SHANK2: variants seen among roughly 807,000 people sequenced by gnomAD.
SHANK2 encodes SH3 and multiple ankyrin repeat domains protein 2.
A neutral mutation model predicts 133.7 loss-of-function variants in SHANK2; 43 were observed. That is an observed-to-expected ratio of 0.32 (90% CI 0.25 to 0.41). The LOEUF is 0.41. SHANK2 is among the 10% of genes least tolerant of loss of function. SHANK2 has a pLI of 1.00. For synonymous variants in SHANK2, 1,017 were observed against 952.8 expected (o/e 1.07, Z -1.24); for missense variants, 1,994 against 2,235.8 (o/e 0.89, Z 2.18).
chr11:70,752,987 C>T (rs1315870871), intron 14 of SHANK2, among the ~76,000 whole-genome samples: 1 of 151,802 alleles, frequency 6.6e-6, no homozygotes, highest in South Asian at 2.1e-4. Context: ...GTGGCAGGTA[C>T]CTGTAATCCC....
At chr11:70,771,823 C>T (rs571030160) in intron 14 of SHANK2, among the ~76,000 whole-genome samples, 18 of 152,170 alleles carry the variant, frequency 1.2e-4, no homozygotes, top group South Asian at 2.1e-4. Context: ...GCCAAATCCC[C>T]GTTCCCAGTT....
rs540958173 is a variant in SHANK2, at chr11:71,126,957, G to A, written c.208-7925C>T. ...CCTAACCTCGTGATCTGCCCACCTC[G>A]GCCTCCCAAAATGCTGGGACTACAG... On this transcript the variant is annotated intron_variant, in intron 3 of 25. Transcript: ENST00000601538. Among the ~76,000 whole-genome samples the A allele has an allele frequency of 4.1e-4, 63 of 152,044 alleles. No individual in the cohort carries two copies. In the South Asian group the frequency reaches 9.0e-3, roughly 22 times the overall value.
At chr11:71,106,437 T>C (rs1951802642) in intron 6 of SHANK2, among the ~76,000 whole-genome samples, 1 of 151,944 alleles carries the variant, frequency 6.6e-6, no homozygotes, top group Non-Finnish European at 1.5e-5. Flanking sequence ...CCCCCATCTC[T>C]ACAAAAAAAC....
chr11:70,840,995 G>C (rs1948894215), intron 11 of SHANK2, among the ~76,000 whole-genome samples: 1 of 152,318 alleles, frequency 6.6e-6, no homozygotes, highest in African/African-American at 2.4e-5. Flanking sequence ...AGGCGTGGTG[G>C]CTCATGTCTG....
At chr11:71,089,228 C>A (rs1951462389) in intron 8 of SHANK2, among the ~76,000 whole-genome samples, 1 of 152,184 alleles carries the variant, frequency 6.6e-6, no homozygotes, top group Non-Finnish European at 1.5e-5. Context: ...GAAGCTCACG[C>A]CATGCAGACG....
At position 70,480,339 on chromosome 11, in the gene SHANK2, G is replaced by C. The variant is rs2135702557; in HGVS notation, c.4979+4975C>G. Among the ~76,000 whole-genome samples, 3 of 152,302 alleles carry C rather than the reference G, an allele frequency of 2.0e-5. 1 individual carries two copies. In the Middle Eastern group the frequency reaches 0.01, roughly 518 times the overall value. ...AGAGTGTCAGTCCCTTTCTGCACATGCTCACTGTAACCTGCTAGGGCATCC... is the reference window on the plus strand; with the variant it reads ...AGAGTGTCAGTCCCTTTCTGCACATCCTCACTGTAACCTGCTAGGGCATCC... On this transcript the variant is annotated intron_variant, in intron 25 of 25. Transcript: ENST00000601538.
intron 17 of SHANK2, among the ~76,000 whole-genome samples, chr11:70,542,010 C>T (rs782713757): frequency 8.5e-5 from 13 of 152,360 alleles, no homozygotes; most frequent in Non-Finnish European, 1.3e-4. Context: ...CCAGGATCCA[C>T]GCTACTCCTC....
At chr11:71,172,340 G>A (rs147804230) in intron 2 of SHANK2, among the ~76,000 whole-genome samples, 53 of 152,162 alleles carry the variant, frequency 3.5e-4, no homozygotes, top group Non-Finnish European at 6.6e-4. Flanking sequence ...CGCCGGGCAC[G>A]GTGGCTCACA....
chr11:70,603,077 C>T (rs1554991397), intron 17 of SHANK2, among the ~76,000 whole-genome samples: 2 of 152,234 alleles, frequency 1.3e-5, no homozygotes, highest in East Asian at 1.9e-4. Context: ...GTGATATCAA[C>T]ACAGGTGGTA....
chr11:71,119,023 G>A lies in SHANK2; in HGVS notation c.217C>T (p.Arg73Ter), dbSNP rs782146308. 3.2e-6 allele frequency: 5 copies of A among 1,551,626 alleles called. No individual in the cohort carries two copies. Among genetic ancestry groups the A allele is most frequent in the South Asian group, 1.2e-5 (1 of 84,042 alleles). ...IHDLQQTKCI[R>*]FNPDATVWVA... ...CACACTGTGGCATCCGGGTTAAATC[G>A]AATGCATTTCTGCCAGGAAGGACAA... Residue 73 changes from arginine (R) to a stop codon, truncating the protein, a stop_gained, in exon 4 of 26, where the codon CGA becomes TGA. Coordinates refer to ENST00000601538, the MANE Select transcript of SHANK2 (RefSeq NM_012309.5). LOFTEE classifies it high-confidence loss of function.
intron 21 of SHANK2, among the ~76,000 whole-genome samples, chr11:70,495,420 T>G (rs893985603): frequency 6.6e-6 from 1 of 152,228 alleles, no homozygotes; most frequent in African/African-American, 2.4e-5. Context: ...TTGGGTGATC[T>G]CCTCTGGCCG....
At chr11:71,111,060 C>T (rs1471444971) in intron 5 of SHANK2, among the ~76,000 whole-genome samples, 1 of 152,222 alleles carries the variant, frequency 6.6e-6, no homozygotes. Flanking sequence ...CCTGCCGATG[C>T]CACGATCTCA....
intron 2 of SHANK2, among the ~76,000 whole-genome samples, chr11:71,173,262 A>G (rs1555112567): frequency 6.6e-6 from 1 of 152,240 alleles, no homozygotes; most frequent in Non-Finnish European, 1.5e-5. Flanking sequence ...GAAGAGGGAA[A>G]TTGATTCCAG....
intron 2 of SHANK2, among the ~76,000 whole-genome samples, chr11:71,215,401 G>C (rs1555119644): frequency 6.6e-6 from 1 of 152,184 alleles, no homozygotes; most frequent in African/African-American, 2.4e-5. Context: ...GAAGCCTTCA[G>C]CAGGTTCTGC....
chr11:71,198,022 T>C (rs1040358641), intron 2 of SHANK2, among the ~76,000 whole-genome samples: 1 of 152,230 alleles, frequency 6.6e-6, no homozygotes, highest in African/African-American at 2.4e-5. Context: ...AGCGCAGCAG[T>C]TGCCGAAGCT....
intron 25 of SHANK2, among the ~76,000 whole-genome samples, chr11:70,477,782 G>A (rs1386813603): frequency 1.3e-5 from 2 of 152,202 alleles, no homozygotes; most frequent in Non-Finnish European, 2.9e-5. Context: ...AGTGTGAGAC[G>A]CAGGGTGAAG....
At chr11:70,843,276 G>A (rs1181618985) in intron 11 of SHANK2, among the ~76,000 whole-genome samples, 1 of 150,300 alleles carries the variant, frequency 6.7e-6, no homozygotes, top group Non-Finnish European at 1.5e-5. Context: ...GCTGCTATGG[G>A]GTGGGCTGGG....
intron 14 of SHANK2, among the ~76,000 whole-genome samples, chr11:70,794,961 T>C (rs1228531803): frequency 6.6e-6 from 1 of 152,166 alleles, no homozygotes; most frequent in Non-Finnish European, 1.5e-5. Context: ...TGTTTTCCTG[T>C]ATGTAAATCA....
At chr11:70,759,213 G>C (rs1946938141) in intron 14 of SHANK2, among the ~76,000 whole-genome samples, 1 of 149,534 alleles carries the variant, frequency 6.7e-6, no homozygotes, top group Non-Finnish European at 1.5e-5. Flanking sequence ...CTGAGTTCTG[G>C]CCGGGCACAG....
Sources: gnomAD v4.1 joint callset for allele counts (sites outside exome capture counted in the v4.1 genomes callset) on GRCh38, gnomAD v4.1.1 for gene constraint, MANE v1.5 for transcripts, NCBI Gene and HGNC (gene_info 2026-07-23, HGNC 2026-07-21) for gene names.